The following NBEA variants were observed in gnomAD, a reference collection of about 807,000 sequenced individuals.
NBEA encodes the protein neurobeachin, also known as lysosomal-trafficking regulator 2.
Under a neutral mutation model 343.4 loss-of-function variants are expected in NBEA, and 44 were observed. The observed-to-expected ratio is 0.13, with a 90% CI of 0.10 to 0.16. The LOEUF is 0.16. NBEA is among the 10% of genes least tolerant of loss of function. NBEA has a pLI of 1.00. For missense variants in NBEA, 2,555 were observed against 3,631.3 expected (o/e 0.70, Z 7.62); for synonymous variants, 1,175 against 1,238.7 (o/e 0.95, Z 1.08).
At chr13:35,236,559 G>T (rs1273874581) in intron 34 of NBEA, among the ~76,000 whole-genome samples, 1 of 151,886 alleles carries the variant, frequency 6.6e-6, no homozygotes, top group Non-Finnish European at 1.5e-5. Context: ...CCATTCTCCT[G>T]CCTCAGCCTC....
chr13:35,117,529 A>G, intron 14 of NBEA, 36 bp downstream of exon 14: 1 of 1,024,750 alleles, frequency 9.8e-7, no homozygotes. Context: ...ATAATAGTAT[A>G]TTAGGTAGAA....
chr13:35,559,399 T>C (rs2079744475), intron 44 of NBEA, among the ~76,000 whole-genome samples: 1 of 152,206 alleles, frequency 6.6e-6, no homozygotes, highest in Non-Finnish European at 1.5e-5. Context: ...ACGGTTATTG[T>C]TCAGGAAGTA....
chr13:34,973,454 C>T (rs914511557), intron 1 of NBEA, among the ~76,000 whole-genome samples: 6 of 152,164 alleles, frequency 3.9e-5, no homozygotes, highest in African/African-American at 1.4e-4. Flanking sequence ...GAGCTCTGTC[C>T]CAGGAAGTTT....
chr13:35,509,707 G>A (rs1392479570), intron 41 of NBEA, among the ~76,000 whole-genome samples: 4 of 152,148 alleles, frequency 2.6e-5, no homozygotes, highest in African/African-American at 9.7e-5. Flanking sequence ...AATAGATAGA[G>A]AGTTAGTGGG....
At chr13:35,546,456 T>G (rs2079061956) in intron 41 of NBEA, among the ~76,000 whole-genome samples, 1 of 145,272 alleles carries the variant, frequency 6.9e-6, no homozygotes, top group Admixed American at 6.9e-5. Flanking sequence ...AGAATGAGAC[T>G]CCATCTCAAA....
At chr13:35,452,626 G>T (rs1219638902) in intron 40 of NBEA, among the ~76,000 whole-genome samples, 2 of 152,100 alleles carry the variant, frequency 1.3e-5, no homozygotes, top group African/African-American at 4.8e-5. Flanking sequence ...AATTGAATTT[G>T]CCATTTCCTC....
At chr13:35,423,373 G>T (rs1237276959) in intron 38 of NBEA, among the ~76,000 whole-genome samples, 2 of 152,148 alleles carry the variant, frequency 1.3e-5, no homozygotes, top group Admixed American at 6.5e-5. Context: ...CATATGGTTA[G>T]CCAGTTTTCC....
At chr13:35,594,740 A>G (rs1310624991) in intron 47 of NBEA, among the ~76,000 whole-genome samples, 1 of 152,056 alleles carries the variant, frequency 6.6e-6, no homozygotes, top group Non-Finnish European at 1.5e-5. Flanking sequence ...ATGGGAGTCC[A>G]TAGGCTCCCA....
rs111666662 is a variant in NBEA at position 35,003,040 on chromosome 13, A to G, written c.295-37893A>G. On this transcript the variant is annotated intron_variant, in intron 1 of 58. Transcript: ENST00000379939. ...TAAGAGAGCGTTCTCCAGCCACAGT[A>G]CAATGAACGAAGAATGCACACACTC... Among the ~76,000 whole-genome samples, 1,373 of 152,294 alleles carry G rather than the reference A, an allele frequency of 9.0e-3. 23 individuals are homozygous for G. Among genetic ancestry groups the G allele is most frequent in the African/African-American group, 0.031 (1,297 of 41,552 alleles).
At chr13:35,557,353 A>G (rs538141847) in intron 44 of NBEA, among the ~76,000 whole-genome samples, 1 of 152,122 alleles carries the variant, frequency 6.6e-6, no homozygotes, top group Admixed American at 6.6e-5. Context: ...TATCTGTCCA[A>G]CTCTGGAAAG....
At chr13:35,132,141 G>A (rs4998162) in intron 17 of NBEA, among the ~76,000 whole-genome samples, 2 of 152,066 alleles carry the variant, frequency 1.3e-5, no homozygotes, top group African/African-American at 4.8e-5. Context: ...TCGCATGAAT[G>A]TTCTTAGTAC....
rs149586491 is a variant in NBEA, at chr13:35,257,153, T to A, written c.5776+24534T>A. Among the ~76,000 whole-genome samples the A allele has an allele frequency of 8.9e-4, 135 of 152,334 alleles. 1 individual carries two copies. Among genetic ancestry groups the A allele is most frequent in the Middle Eastern group, 3.4e-3 (1 of 294 alleles). On this transcript the variant is annotated intron_variant, in intron 34 of 58. Coordinates refer to ENST00000379939, the MANE Select transcript of NBEA (RefSeq NM_001385012.1). ...GATAGAGTATTACAGAGAAAAATTA[T>A]AGATAGGCAAAATCTGTTAAAGAGC...
intron 39 of NBEA, among the ~76,000 whole-genome samples, chr13:35,438,417 G>A (rs184792833): frequency 4.6e-5 from 7 of 152,252 alleles, no homozygotes; most frequent in African/African-American, 1.7e-4. Flanking sequence ...TACTAAGACA[G>A]CTATACAATT....
intron 48 of NBEA, among the ~76,000 whole-genome samples, chr13:35,621,537 G>C (rs961929286): frequency 6.6e-6 from 1 of 152,038 alleles, no homozygotes; most frequent in Non-Finnish European, 1.5e-5. Flanking sequence ...AATTATGTTA[G>C]TTTTTGTTGG....
At chr13:35,550,189 C>T (rs1369579906) in intron 41 of NBEA, among the ~76,000 whole-genome samples, 1 of 152,072 alleles carries the variant, frequency 6.6e-6, no homozygotes, top group East Asian at 1.9e-4. Flanking sequence ...CAGGTGGTCA[C>T]CTGGTCCAAT....
chr13:35,448,411 T>C (rs2046148284), intron 39 of NBEA, among the ~76,000 whole-genome samples: 1 of 152,230 alleles, frequency 6.6e-6, no homozygotes, highest in Non-Finnish European at 1.5e-5. Flanking sequence ...TTACTTTTCA[T>C]GTAAATACAT....
rs949157994 is a variant in NBEA, at chr13:34,948,669, G to T, written c.294+5555G>T. On this transcript the variant is annotated intron_variant, in intron 1 of 58. Coordinates refer to ENST00000379939, the MANE Select transcript of NBEA (RefSeq NM_001385012.1). ...AACAGACCTTAGATTTTGAAATGGAGTGGAAGGCAGTGAGAACTTTGTGGT... is the reference window on the plus strand; with the variant it reads ...AACAGACCTTAGATTTTGAAATGGATTGGAAGGCAGTGAGAACTTTGTGGT... 2.0e-5 allele frequency among the ~76,000 whole-genome samples: 3 copies of T among 152,304 alleles called. No individual in the cohort carries two copies. The East Asian group carries it at 5.8e-4, about 29-fold the overall frequency.
intron 45 of NBEA, among the ~76,000 whole-genome samples, chr13:35,577,982 G>A (rs1343889126): frequency 2.4e-4 from 36 of 152,132 alleles, no homozygotes; most frequent in Admixed American, 2.4e-3. Context: ...ATGATGACAG[G>A]TAGTTCATGA....
chr13:35,293,125 C>T (rs2035901588), intron 35 of NBEA, among the ~76,000 whole-genome samples: 1 of 151,784 alleles, frequency 6.6e-6, no homozygotes, highest in African/African-American at 2.4e-5. Flanking sequence ...AGTTTGTGCC[C>T]AAAATATGGT....
Sources: allele counts gnomAD v4.1 joint callset (sites outside exome capture counted in the v4.1 genomes callset), GRCh38; gene constraint gnomAD v4.1.1; transcripts MANE v1.5; gene names NCBI Gene and HGNC (gene_info 2026-07-23, HGNC 2026-07-21).